Variants in OSBP2 observed in about 807,000 individuals in gnomAD.
OSBP2 encodes oxysterol-binding protein 2.
Under a neutral mutation model 96.0 loss-of-function variants are expected in OSBP2, and 66 were observed. The observed-to-expected ratio is 0.69, with a 90% CI of 0.56 to 0.84. The LOEUF is 0.84. Ranked by LOEUF, OSBP2 falls within the 40% of genes least tolerant of loss-of-function variation. OSBP2 has a pLI of 0.00. For synonymous variants in OSBP2, 525 were observed against 520.9 expected (o/e 1.01, Z -0.11); for missense variants, 1,038 against 1,222.7 (o/e 0.85, Z 2.25).
rs186701185 is a variant in OSBP2, at chr22:30,713,987, G to A, written c.644+18434G>A. On this transcript the variant is annotated intron_variant, in intron 1 of 13. Coordinates refer to ENST00000332585, the MANE Select transcript of OSBP2 (RefSeq NM_030758.4). The stretch of plus-strand genomic sequence containing the variant: ...TTAACTGTAGTCACCCTACAGTGCT[G>A]TAGAACACTAGAACTTATTCCTCCT... 2.0e-4 allele frequency among the ~76,000 whole-genome samples: 30 copies of A among 152,230 alleles called. No homozygotes were observed. The East Asian group carries it at 5.2e-3, about 26-fold the overall frequency.
intron 1 of OSBP2, among the ~76,000 whole-genome samples, chr22:30,711,739 C>CAAAAAAAAA (rs34152986): frequency 1.1e-5 from 1 of 91,848 alleles, no homozygotes. Flanking sequence ...GACCCTATCT[C>CAAAAAAAAA]AAAAAAAAAA....
intron 1 of OSBP2, among the ~76,000 whole-genome samples, chr22:30,707,394 G>C (rs1309619858): frequency 6.6e-6 from 1 of 152,074 alleles, no homozygotes; most frequent in African/African-American, 2.4e-5. Flanking sequence ...ACCGTGCCCG[G>C]CCTTAAGTGA....
At position 30,893,970 on chromosome 22, in the gene OSBP2, G is replaced by T; in HGVS notation, c.2344G>T (p.Ala782Ser). Residue 782 changes from alanine (A) to serine (S), a missense_variant, in exon 12 of 14, where the codon GCC (alanine) becomes TCC (serine). Physicochemically the swap from Ala to Ser is moderately conservative, Grantham distance 99. This residue lies in a region of OSBP2 where 737 missense variants were observed against 913.3 expected (regional missense o/e 0.81). Transcript: ENST00000332585. ...GAAGACAGTGTACCAGACCCTGTCA[G>T]CCAAGCTGCTGTGGAAGAAGTACCC... ...KQKTVYQTLS[A>S]KLLWKKYPLP... 6.3e-7 allele frequency: 1 copy of T among 1,599,330 alleles called. No homozygotes were observed.
chr22:30,731,713 C>T (rs1174629723), intron 1 of OSBP2: 1 of 154,638 alleles, frequency 6.5e-6, no homozygotes, highest in East Asian at 1.9e-4. Context: ...CATCCTCATT[C>T]CTTCCCTGAG....
chr22:30,869,378 T>C (rs764515300), intron 2 of OSBP2, among the ~76,000 whole-genome samples: 11 of 152,242 alleles, frequency 7.2e-5, no homozygotes, highest in African/African-American at 1.9e-4. Context: ...TGCAAGGCCA[T>C]TGAGGGGCCA....
At chr22:30,716,896 G>A (rs1309914352) in intron 1 of OSBP2, among the ~76,000 whole-genome samples, 2 of 152,034 alleles carry the variant, frequency 1.3e-5, no homozygotes, top group East Asian at 3.8e-4. Context: ...TGTCCTTCAA[G>A]GAACTTAAGT....
At chr22:30,874,764 C>T (rs997544806) in intron 3 of OSBP2, among the ~76,000 whole-genome samples, 3 of 152,240 alleles carry the variant, frequency 2.0e-5, no homozygotes, top group African/African-American at 7.2e-5. Flanking sequence ...AGTGCTGTAC[C>T]TTCTAGAACA....
chr22:30,752,512 G>A (rs917129944), intron 2 of OSBP2, among the ~76,000 whole-genome samples: 2 of 151,598 alleles, frequency 1.3e-5, no homozygotes, highest in South Asian at 4.2e-4. Flanking sequence ...GGATGGTCTC[G>A]ATCTCCTGAC....
rs754874904 is a variant in OSBP2, at chr22:30,906,081, C to T, written c.2608+12C>T. The T allele has an allele frequency of 8.9e-6, 11 of 1,235,424 alleles. No homozygotes were observed. In the Admixed American group the frequency reaches 1.1e-4, roughly 12 times the overall value. The allele number at this position is 1,235,424 out of a possible 1,614,324, so 76.5% of individuals were successfully genotyped here. A position where few individuals can be genotyped will look rare whatever the true frequency, so the allele number is the denominator to read the frequency against. ...CAGCTCGGAGGAAGGTGAGGCCGGG[C>T]GGGAAGGGCGCCCCGGAGGGGAGGA... is the stretch of plus-strand genomic sequence containing the variant. On this transcript the variant is annotated intron_variant, in intron 13 of 13. Coordinates refer to ENST00000332585, the MANE Select transcript of OSBP2 (RefSeq NM_030758.4).
chr22:30,813,120 T>A (rs1313393999), intron 2 of OSBP2, among the ~76,000 whole-genome samples: 1 of 151,908 alleles, frequency 6.6e-6, no homozygotes, highest in African/African-American at 2.4e-5. Context: ...CAGAGGCTTG[T>A]TTTTTAGTAG....
At chr22:30,801,330 G>A (rs1007809204) in intron 2 of OSBP2, among the ~76,000 whole-genome samples, 22 of 152,158 alleles carry the variant, frequency 1.4e-4, no homozygotes, top group Non-Finnish European at 2.9e-5. Context: ...TAGTGGTTTT[G>A]TTTATTTTTT....
chr22:30,859,327 C>G (rs886779962), intron 2 of OSBP2, among the ~76,000 whole-genome samples: 9 of 152,342 alleles, frequency 5.9e-5, no homozygotes, highest in African/African-American at 1.7e-4. Flanking sequence ...AACAAAGTCC[C>G]TCTTGCTCTG....
chr22:30,741,766 A>G (rs1474703877), intron 2 of OSBP2, among the ~76,000 whole-genome samples: 3 of 152,056 alleles, frequency 2.0e-5, no homozygotes, highest in Non-Finnish European at 4.4e-5. Context: ...GTCTTTGCCT[A>G]TTAGGGAAGC....
At chr22:30,790,786 C>A (rs990771106) in intron 2 of OSBP2, among the ~76,000 whole-genome samples, 1 of 151,766 alleles carries the variant, frequency 6.6e-6, no homozygotes, top group Non-Finnish European at 1.5e-5. Flanking sequence ...TTTGGATGAA[C>A]AATTTAAAAA....
In OSBP2 at chr22:30,827,700, C is replaced by G. The variant is rs141603382; in HGVS notation, c.854-42729C>G. 1.9e-4 allele frequency among the ~76,000 whole-genome samples: 29 copies of G among 152,256 alleles called. 1 individual carries two copies. The highest frequency in any genetic ancestry group is 7.0e-4 in the African/African-American group (29 of 41,544). On this transcript the variant is annotated intron_variant, in intron 2 of 13. Coordinates refer to ENST00000332585, the MANE Select transcript of OSBP2 (RefSeq NM_030758.4). ...ATGGGCCCGTGGGCATGGGACAAGTCCAGTCCTTGGAGCCAAATGAGACCT... is the reference window on the plus strand; with the variant it reads ...ATGGGCCCGTGGGCATGGGACAAGTGCAGTCCTTGGAGCCAAATGAGACCT...
chr22:30,879,475 C>T (rs570665366), intron 3 of OSBP2, among the ~76,000 whole-genome samples: 3 of 152,244 alleles, frequency 2.0e-5, no homozygotes, highest in Admixed American at 6.5e-5. Context: ...GATCGACCCC[C>T]GGTGGGGACT....
chr22:30,824,522 A>G (rs1423001788), intron 2 of OSBP2, among the ~76,000 whole-genome samples: 1 of 152,150 alleles, frequency 6.6e-6, no homozygotes, highest in Non-Finnish European at 1.5e-5. Context: ...ACATACAAAC[A>G]CATACATAGC....
At chr22:30,872,201 C>T (rs2039472888) in intron 3 of OSBP2, 1 of 455,830 alleles carries the variant, frequency 2.2e-6, no homozygotes, top group Non-Finnish European at 4.4e-6. Context: ...GGCCCACTGT[C>T]CTCCTTACAG....
intron 12 of OSBP2, among the ~76,000 whole-genome samples, chr22:30,897,096 T>C (rs972745545): frequency 1.1e-4 from 16 of 152,318 alleles, no homozygotes; most frequent in Admixed American, 6.5e-4. Context: ...TAAAATAGAC[T>C]TTAGGACAAA....
Sources: gnomAD v4.1 joint callset for allele counts (sites outside exome capture counted in the v4.1 genomes callset) on GRCh38, gnomAD v4.1.1 for gene constraint, gnomAD v4.1.1 regional missense constraint, MANE v1.5 for transcripts, NCBI Gene and HGNC (gene_info 2026-07-23, HGNC 2026-07-21) for gene names.